The following TECR variants were observed in gnomAD, a reference collection of about 807,000 sequenced individuals.
TECR encodes the protein trans-2,3-enoyl-CoA reductase, also known as very-long-chain enoyl-CoA reductase.
Under a neutral mutation model 50.6 loss-of-function variants are expected in TECR, and 19 were observed. The ratio of observed to expected loss-of-function variants is 0.38; its 90% CI spans 0.26 to 0.55. The LOEUF is 0.55. Ranked by LOEUF, TECR falls within the 20% of genes least tolerant of loss-of-function variation. TECR has a pLI of 0.79. For missense variants in TECR, 313 were observed against 408.3 expected, an observed-to-expected ratio of 0.77 and a Z score of 2.01; for synonymous variants, 168 against 163.5, an observed-to-expected ratio of 1.03 and a Z score of -0.21.
chr19:14,529,876 A>T (rs144615833), intron 1 of TECR, 165 bp downstream of exon 1: 6 of 931,042 alleles, frequency 6.4e-6, no homozygotes, highest in Non-Finnish European at 1.0e-5. Flanking sequence ...GTAAATTCCA[A>T]TGCGCATGTG....
chr19:14,538,312 C>G (rs934332867), intron 1 of TECR, among the ~76,000 whole-genome samples: 1 of 152,068 alleles, frequency 6.6e-6, no homozygotes, highest in African/African-American at 2.4e-5. Flanking sequence ...GTGACTTAAC[C>G]TAAGCTTCAG....
At chr19:14,537,382 C>G (rs1356800810) in intron 1 of TECR, among the ~76,000 whole-genome samples, 2 of 151,892 alleles carry the variant, frequency 1.3e-5, no homozygotes, top group African/African-American at 4.8e-5. Context: ...TTCAGCCGCA[C>G]CCAGGTGGAT....
At chr19:14,537,269 G>C (rs56101792) in intron 1 of TECR, among the ~76,000 whole-genome samples, 3 of 141,006 alleles carry the variant, frequency 2.1e-5, no homozygotes, top group Non-Finnish European at 3.1e-5. Flanking sequence ...GGCGGGACCA[G>C]GGAGGGGGAG....
chr19:14,556,403 T>A (rs1431818916), intron 1 of TECR, among the ~76,000 whole-genome samples: 3 of 66,602 alleles, frequency 4.5e-5, no homozygotes, highest in Non-Finnish European at 9.5e-5. Flanking sequence ...ACAGCGAGAC[T>A]CTCTCAAAAA....
In TECR at chr19:14,565,754, C is replaced by A; in HGVS notation, c.810C>A (p.Phe270Leu). The change falls in exon 13 of 13, where the codon TTC becomes TTA. Residue 270 changes from phenylalanine to leucine, a missense_variant. By Grantham distance (22) the Phe-to-Leu change is conservative. Coordinates refer to ENST00000215567, the MANE Select transcript of TECR (RefSeq NM_138501.6). The part of the protein sequence containing the change: ...IMTQCLPVAL[F>L]SLVGFTQMTI... The stretch of plus-strand genomic sequence containing the variant: ...CGTTCTTTCCTGCAGTGGCCCTGTT[C>A]TCCCTGGTGGGCTTCACCCAGATGA... 6.2e-7 allele frequency: 1 copy of A among 1,612,194 alleles called. No homozygotes were observed. Among genetic ancestry groups the A allele is most frequent in the Non-Finnish European group, 8.5e-7 (1 of 1,179,704 alleles).
Position 14,565,636 on chromosome 19 carries a change from T to A in TECR, c.772T>A (p.Phe258Ile). ...CCCACAGGTGGGGTCCTGGATCGGT[T>A]TCGCCATCATGACGCAGTGTCTCCC... is the stretch of plus-strand genomic sequence containing the variant. ...YTYEVGSWIG[F>I]AIMTQCLPVA... The change falls in exon 12 of 13, where the codon TTC becomes ATC. Residue 258 changes from phenylalanine to isoleucine, a missense_variant. Transcript: ENST00000215567. The A allele has an allele frequency of 6.2e-7, 1 of 1,612,406 alleles. No individual in the cohort carries two copies. The highest frequency in any genetic ancestry group is 1.1e-5 in the South Asian group (1 of 91,026).
upstream of TECR, chr19:14,529,557 C>T: frequency 4.5e-6 from 6 of 1,326,810 alleles, no homozygotes; most frequent in Non-Finnish European, 6.5e-6. Context: ...CGACGGGGCG[C>T]GCGCGGCCTG....
intron 1 of TECR, among the ~76,000 whole-genome samples, chr19:14,534,376 G>T (rs922646568): frequency 6.9e-6 from 1 of 145,888 alleles, no homozygotes; most frequent in South Asian, 2.2e-4. Flanking sequence ...CGCCCGCCTC[G>T]GCCTCCCAGG....
rs2072535641 is a variant in TECR at position 14,529,636 on chromosome 19, T to G, written c.-61T>G. ...GGTTGCGAGCGCTGTAGGGAGCCTG[T>G]GCTGTGCCGCGCAGTTAGGCAGCAG... On this transcript the variant is annotated 5_prime_UTR_variant, in exon 1 of 13. Transcript: ENST00000215567. 2 of 1,613,208 alleles carry G rather than the reference T, an allele frequency of 1.2e-6. No homozygotes were observed. Among genetic ancestry groups the G allele is most frequent in the Non-Finnish European group, 8.5e-7 (1 of 1,179,506 alleles).
intron 7 of TECR, 58 bp downstream of exon 7, chr19:14,564,345 G>T (rs917264735): frequency 1.1e-5 from 10 of 920,506 alleles, no homozygotes; most frequent in African/African-American, 4.6e-5. Flanking sequence ...ACCCCGCCCC[G>T]CCCCCACCGA....
At position 14,565,200 on chromosome 19, in the gene TECR, A is replaced by G; in HGVS notation, c.665-2A>G. 6.2e-7 allele frequency: 1 copy of G among 1,613,954 alleles called. No homozygotes were observed. The highest frequency in any genetic ancestry group is 8.5e-7 in the Non-Finnish European group (1 of 1,180,016). On this transcript the variant is annotated splice_acceptor_variant, in intron 10 of 12. Transcript: ENST00000215567. LOFTEE classifies it high-confidence loss of function. ...ACTTTCTCCTTCTGTCCTGCCTGCC[A>G]GGGTCCAAGACGCGGAAGATCCCAT... is the stretch of plus-strand genomic sequence containing the variant.
rs1231978819 is a variant in TECR, at chr19:14,529,659, C to G, written c.-38C>G. ...TGTGCTGTGCCGCGCAGTTAGGCAG[C>G]AGCAGCCGCGGAGCAGTAGCCGCCG... is the stretch of plus-strand genomic sequence containing the variant. On this transcript the variant is annotated 5_prime_UTR_variant, in exon 1 of 13. Transcript: ENST00000215567. 3 of 1,613,660 alleles carry G rather than the reference C, an allele frequency of 1.9e-6. No homozygotes were observed. In the African/African-American group the frequency reaches 4.0e-5, roughly 22 times the overall value.
At chr19:14,535,339 C>T (rs1320351441) in intron 1 of TECR, among the ~76,000 whole-genome samples, 4 of 150,036 alleles carry the variant, frequency 2.7e-5, no homozygotes, top group Non-Finnish European at 5.9e-5. Flanking sequence ...AACCCCGTCT[C>T]TACTAAAAAA....
chr19:14,555,866 G>A (rs990233495), intron 1 of TECR, among the ~76,000 whole-genome samples: 1 of 152,156 alleles, frequency 6.6e-6, no homozygotes, highest in Non-Finnish European at 1.5e-5. Context: ...GATTCCAGGC[G>A]TGAGCCACTG....
intron 1 of TECR, among the ~76,000 whole-genome samples, chr19:14,555,001 T>A (rs951044800): frequency 9.2e-5 from 14 of 151,720 alleles, no homozygotes; most frequent in Admixed American, 5.3e-4. Flanking sequence ...CTGGTCTTGA[T>A]CTCTTGACCT....
At chr19:14,529,787 C>A in intron 1 of TECR, 76 bp downstream of exon 1, 1 of 1,601,346 alleles carries the variant, frequency 6.2e-7, no homozygotes, top group Non-Finnish European at 8.5e-7. Context: ...CCACGGGACC[C>A]CACTTTCTGG....
chr19:14,562,997 T>C (rs1453326216), intron 2 of TECR: 1 of 630,754 alleles, frequency 1.6e-6, no homozygotes, highest in Non-Finnish European at 2.7e-6. Flanking sequence ...TGGCTGAGGG[T>C]AAAAGTGGAG....
chr19:14,545,356 A>G (rs997609630), intron 1 of TECR, among the ~76,000 whole-genome samples: 2 of 151,944 alleles, frequency 1.3e-5, no homozygotes, highest in Non-Finnish European at 2.9e-5. Flanking sequence ...CTGAAATCCC[A>G]TTTCCTCAGC....
rs749158547 is a variant in TECR, at chr19:14,565,824, C to T, written c.880C>T (p.Arg294Trp). ...GKHRSYLKEF[R>W]DYPPLRMPII... is the part of the protein sequence containing the mutation. ...GCACCGCAGCTACCTGAAGGAGTTC[C>T]GGGACTACCCGCCCCTGCGCATGCC... The change falls in exon 13 of 13, where the codon CGG (arginine) becomes TGG (tryptophan). Residue 294 changes from arginine to tryptophan, a missense_variant. Coordinates refer to ENST00000215567, the MANE Select transcript of TECR (RefSeq NM_138501.6). The T allele has an allele frequency of 1.8e-5, 29 of 1,598,378 alleles. No individual in the cohort carries two copies. Among genetic ancestry groups the T allele is most frequent in the East Asian group, 2.3e-5 (1 of 44,182 alleles).
Sources: gnomAD v4.1 joint callset for allele counts (sites outside exome capture counted in the v4.1 genomes callset) on GRCh38, gnomAD v4.1.1 for gene constraint, MANE v1.5 for transcripts, NCBI Gene and HGNC (gene_info 2026-07-23, HGNC 2026-07-21) for gene names.